The following CUBN variants were observed in gnomAD, a reference collection of about 807,000 sequenced individuals.
CUBN encodes cubilin, also known as 460 kDa receptor.
Under a neutral mutation model 405.3 loss-of-function variants are expected in CUBN, and 282 were observed. The observed-to-expected ratio is 0.70, with a 90% confidence interval of 0.63 to 0.77. CUBN has a LOEUF of 0.77. Ranked by LOEUF, CUBN falls within the 30% of genes least tolerant of loss-of-function variation. The probability of loss-of-function intolerance (pLI) is 0.00; values close to 1 mark genes in which losing one functional copy is unlikely to be tolerated. For synonymous variants in CUBN, 1,684 were observed against 1,617.0 expected (o/e 1.04, Z -0.99); for missense variants, 4,514 against 4,475.2 (o/e 1.01, Z -0.25).
chr10:17,088,770 G>A lies in CUBN; in HGVS notation c.1766-425C>T, dbSNP rs535628493. Reference sequence around the variant, plus strand: ...TTTGCATATTAAAATGGTTAAGTGTGACATAATTTTCATTTGAGAAGGTTT... The same window carrying A: ...TTTGCATATTAAAATGGTTAAGTGTAACATAATTTTCATTTGAGAAGGTTT... On this transcript the variant is annotated intron_variant, in intron 14 of 66. Coordinates refer to ENST00000377833, the MANE Select transcript of CUBN (RefSeq NM_001081.4). Among the ~76,000 whole-genome samples the A allele has an allele frequency of 2.6e-5, 4 of 152,330 alleles. No homozygotes were observed. In the South Asian group the frequency reaches 6.2e-4, roughly 24 times the overall value.
At chr10:17,057,983 A>G (rs1426174896) in intron 22 of CUBN, among the ~76,000 whole-genome samples, 1 of 151,912 alleles carries the variant, frequency 6.6e-6, no homozygotes, top group Non-Finnish European at 1.5e-5. Context: ...TTAGCCGGGC[A>G]TGGTGGCGCG....
At chr10:17,008,429 CGTGTGTGTGTGTGT>C (rs59235819) in intron 28 of CUBN, among the ~76,000 whole-genome samples, 1 of 131,534 alleles carries the variant, frequency 7.6e-6, no homozygotes, top group East Asian at 2.3e-4. Flanking sequence ...AATCCCTGCT[CGTGTGTGTGTGTGT>C]GTGTGTGTGT....
intron 65 of CUBN, among the ~76,000 whole-genome samples, chr10:16,829,851 T>A (rs187423855): frequency 1.9e-4 from 29 of 152,080 alleles, no homozygotes; most frequent in African/African-American, 7.0e-4. Context: ...AGATGGAGTC[T>A]TGCTCTGTCG....
At chr10:16,871,442 A>G (rs1554785519) in intron 58 of CUBN, among the ~76,000 whole-genome samples, 1 of 149,898 alleles carries the variant, frequency 6.7e-6, no homozygotes, top group Non-Finnish European at 1.5e-5. Context: ...TATAAAATAT[A>G]TAATAAATGC....
At chr10:16,883,586 G>A (rs1254061943) in intron 56 of CUBN, among the ~76,000 whole-genome samples, 1 of 152,010 alleles carries the variant, frequency 6.6e-6, no homozygotes, top group Non-Finnish European at 1.5e-5. Flanking sequence ...TTCTTGATGG[G>A]GAAAAAAATG....
intron 66 of CUBN, among the ~76,000 whole-genome samples, chr10:16,828,229 G>C (rs1239040414): frequency 6.6e-6 from 1 of 152,146 alleles, no homozygotes; most frequent in South Asian, 2.1e-4. Flanking sequence ...AGTGGGTTTC[G>C]GTGGGAACTG....
intron 56 of CUBN, among the ~76,000 whole-genome samples, chr10:16,880,691 G>A (rs1840643785): frequency 6.6e-6 from 1 of 152,176 alleles, no homozygotes; most frequent in Admixed American, 6.5e-5. Flanking sequence ...GTGCATTAAA[G>A]AGTTACCACA....
Position 16,840,983 on chromosome 10 carries a change from G to A in CUBN, c.9728C>T (p.Ala3243Val), listed in dbSNP as rs753757642. ...AGTFCGSTVP[A>V]PFISSGNFLT... ...GAAGTTACCAGAAGAGATAAAAGGA[G>A]CAGGTACTGTGGAACCACAAAACGT... The change falls in exon 61 of 67, where the codon GCT becomes GTT. Residue 3243 changes from alanine to valine, a missense_variant. Transcript: ENST00000377833. 6.2e-7 allele frequency: 1 copy of A among 1,614,000 alleles called. No individual in the cohort carries two copies.
At chr10:16,963,117 G>A (rs974692536) in intron 31 of CUBN, among the ~76,000 whole-genome samples, 1 of 150,158 alleles carries the variant, frequency 6.7e-6, no homozygotes, top group Admixed American at 6.6e-5. Flanking sequence ...CTGATTACAA[G>A]TATGAAGGTA....
At chr10:17,126,717 T>C in intron 4 of CUBN, 44 bp downstream of exon 4, 2 of 1,590,594 alleles carry the variant, frequency 1.3e-6, no homozygotes, top group East Asian at 2.2e-5. Flanking sequence ...GATTCTAGTA[T>C]GTTTTCTGTG....
chr10:17,087,879 T>A (rs779148241), intron 15 of CUBN, among the ~76,000 whole-genome samples: 1 of 152,212 alleles, frequency 6.6e-6, no homozygotes, highest in Non-Finnish European at 1.5e-5. Context: ...ACTGAGTGTT[T>A]ATTTCATAAA....
intron 35 of CUBN, among the ~76,000 whole-genome samples, 195 bp from the exon 36 acceptor site, chr10:16,947,562 T>C (rs539848775): frequency 5.3e-5 from 8 of 152,354 alleles, no homozygotes; most frequent in Admixed American, 2.0e-4. Flanking sequence ...CCATGCAGTG[T>C]GGTGGATTAG....
chr10:16,854,910 T>TTTCCTTCC (rs200872755), intron 59 of CUBN, among the ~76,000 whole-genome samples: 1 of 150,484 alleles, frequency 6.6e-6, no homozygotes, highest in East Asian at 1.9e-4. Flanking sequence ...TCCTCCCTCC[T>TTTCCTTCC]TTCCTTCCTT....
chr10:16,944,406 G>T (rs753894332), intron 36 of CUBN, among the ~76,000 whole-genome samples: 1 of 151,980 alleles, frequency 6.6e-6, no homozygotes, highest in Non-Finnish European at 1.5e-5. Flanking sequence ...CCTTTTTGTT[G>T]CAGATTCAAC....
intron 64 of CUBN, 83 bp from the exon 65 acceptor site, chr10:16,831,500 G>A (rs1838992413): frequency 8.1e-7 from 1 of 1,233,738 alleles, no homozygotes; most frequent in Admixed American, 1.7e-5. Flanking sequence ...TTTGAATGAT[G>A]ACATTGGTCG....
rs554973263 is a variant in CUBN, at chr10:17,097,157, G to C, written c.1765+2848C>G. ...GAAAACATTAACGGAGCCAATAGTT[G>C]GAATTTTGAAAACATTAGTAAAACT... On this transcript the variant is annotated intron_variant, in intron 14 of 66. Coordinates refer to ENST00000377833, the MANE Select transcript of CUBN (RefSeq NM_001081.4). Among the ~76,000 whole-genome samples, 4 of 151,996 alleles carry C rather than the reference G, an allele frequency of 2.6e-5. No individual in the cohort carries two copies. The East Asian group carries it at 7.7e-4, about 29-fold the overall frequency.
At chr10:17,081,349 T>G (rs1464671457) in intron 17 of CUBN, among the ~76,000 whole-genome samples, 1 of 152,192 alleles carries the variant, frequency 6.6e-6, no homozygotes, top group African/African-American at 2.4e-5. Flanking sequence ...CCCACATCTC[T>G]GTAGAATTTC....
At chr10:16,922,098 G>T (rs1255990195) in intron 43 of CUBN, among the ~76,000 whole-genome samples, 2 of 151,854 alleles carry the variant, frequency 1.3e-5, no homozygotes, top group African/African-American at 4.8e-5. Context: ...TTTATTGTCT[G>T]CATCTTAACA....
chr10:16,910,283 A>G (rs988067386), intron 48 of CUBN, among the ~76,000 whole-genome samples: 12 of 141,488 alleles, frequency 8.5e-5, no homozygotes, highest in Non-Finnish European at 1.2e-4. Flanking sequence ...TTCCTCTTTC[A>G]TCTTTCTTCT....
Sources: allele counts gnomAD v4.1 joint callset (sites outside exome capture counted in the v4.1 genomes callset), GRCh38; gene constraint gnomAD v4.1.1; transcripts MANE v1.5; gene names NCBI Gene and HGNC (gene_info 2026-07-23, HGNC 2026-07-21).